Variants in LINGO2 observed in about 807,000 individuals in gnomAD.
LINGO2 encodes the protein leucine rich repeat and Ig domain containing 2.
A neutral mutation model predicts 30.6 loss-of-function variants in LINGO2; 14 were observed. The observed-to-expected ratio is 0.46, with a 90% CI of 0.30 to 0.72. The LOEUF is 0.72. Among genes scored for constraint, LINGO2 ranks in the 30% least tolerant of loss-of-function variants. The pLI is 0.07. For missense variants in LINGO2, 729 were observed against 751.7 expected (o/e 0.97, Z 0.35); for synonymous variants, 317 against 288.5 (o/e 1.10, Z -1.00).
chr9:28,640,409 A>G (rs546215451), intron 1 of LINGO2, among the ~76,000 whole-genome samples: 26 of 152,088 alleles, frequency 1.7e-4, no homozygotes, highest in African/African-American at 2.9e-4. Flanking sequence ...AATATCCTGC[A>G]GAGTGTTTTC....
intron 4 of LINGO2, among the ~76,000 whole-genome samples, chr9:28,071,449 A>G (rs750321676): frequency 1.3e-5 from 2 of 151,672 alleles, no homozygotes; most frequent in Non-Finnish European, 2.9e-5. Flanking sequence ...GTACTTATTT[A>G]CTCTAGCCTA....
At chr9:28,381,121 T>C (rs565947336) in intron 2 of LINGO2, among the ~76,000 whole-genome samples, 2 of 152,060 alleles carry the variant, frequency 1.3e-5, no homozygotes, top group Non-Finnish European at 2.9e-5. Context: ...ACTATTGCTA[T>C]ACAGAATGGG....
the LINGO2 span, among the ~76,000 whole-genome samples, chr9:28,942,224 A>T: frequency 6.6e-6 from 1 of 152,216 alleles, no homozygotes; most frequent in African/African-American, 2.4e-5. Context: ...ACTGTACAGG[A>T]AACCTCAAAA....
At chr9:29,189,426 G>A in the LINGO2 span, among the ~76,000 whole-genome samples, 1 of 151,386 alleles carries the variant, frequency 6.6e-6, no homozygotes, top group South Asian at 2.1e-4. Flanking sequence ...GGGGCGGCCG[G>A]GCAGAGACGC....
At chr9:27,983,619 C>A (rs1379731727) in intron 5 of LINGO2, among the ~76,000 whole-genome samples, 2 of 151,750 alleles carry the variant, frequency 1.3e-5, no homozygotes, top group East Asian at 1.9e-4. Context: ...GCCTTGATTT[C>A]CATATTAATA....
At chr9:28,214,391 C>T (rs184064494) in intron 4 of LINGO2, among the ~76,000 whole-genome samples, 69 of 151,672 alleles carry the variant, frequency 4.5e-4, no homozygotes, top group African/African-American at 1.3e-3. Context: ...CTTGTCTACA[C>T]TTGAAAATAC....
intron 1 of LINGO2, among the ~76,000 whole-genome samples, chr9:28,552,390 A>G (rs1014214557): frequency 6.6e-6 from 1 of 152,132 alleles, no homozygotes; most frequent in Admixed American, 6.6e-5. Context: ...ATACTTAGCC[A>G]TAGAACCCTA....
At chr9:29,079,045 C>T in the LINGO2 span, among the ~76,000 whole-genome samples, 1 of 151,836 alleles carries the variant, frequency 6.6e-6, no homozygotes, top group Non-Finnish European at 1.5e-5. Context: ...ATCGAGAGTA[C>T]AAATCCAGAT....
At chr9:28,479,021 A>G (rs912056519) in intron 1 of LINGO2, among the ~76,000 whole-genome samples, 3 of 152,018 alleles carry the variant, frequency 2.0e-5, no homozygotes, top group African/African-American at 7.2e-5. Flanking sequence ...GTGTTTATAT[A>G]CTTTTATGTA....
At chr9:28,071,441 A>C (rs904538643) in intron 4 of LINGO2, among the ~76,000 whole-genome samples, 5 of 152,042 alleles carry the variant, frequency 3.3e-5, no homozygotes, top group African/African-American at 1.2e-4. Context: ...TACTCTTTGT[A>C]CTTATTTACT....
At chr9:28,588,332 G>A in intron 1 of LINGO2, among the ~76,000 whole-genome samples, 1 of 151,970 alleles carries the variant, frequency 6.6e-6, no homozygotes, top group East Asian at 1.9e-4. Flanking sequence ...TTTGTCCTCA[G>A]CCAGGGTCAG....
At chr9:28,491,240 G>T (rs1826383847) in intron 1 of LINGO2, among the ~76,000 whole-genome samples, 1 of 152,186 alleles carries the variant, frequency 6.6e-6, no homozygotes, top group African/African-American at 2.4e-5. Context: ...GGAGGCTTCA[G>T]TGATAAATAT....
At chr9:28,848,146 C>G in the LINGO2 span, among the ~76,000 whole-genome samples, 2 of 103,920 alleles carry the variant, frequency 1.9e-5, no homozygotes, top group African/African-American at 7.4e-5. Context: ...CATATATATA[C>G]TATATATACG....
At chr9:29,016,702 T>C in the LINGO2 span, among the ~76,000 whole-genome samples, 1 of 152,164 alleles carries the variant, frequency 6.6e-6, no homozygotes, top group African/African-American at 2.4e-5. Flanking sequence ...GCCATCAATC[T>C]TATTTTTAAG....
At chr9:29,028,525 A>AT in the LINGO2 span, among the ~76,000 whole-genome samples, 1 of 151,760 alleles carries the variant, frequency 6.6e-6, no homozygotes, top group Non-Finnish European at 1.5e-5. Context: ...TTGAAATGTG[A>AT]TTTTCCTGCT....
At chr9:28,526,937 T>G (rs1821059950) in intron 1 of LINGO2, among the ~76,000 whole-genome samples, 1 of 152,230 alleles carries the variant, frequency 6.6e-6, no homozygotes, top group South Asian at 2.1e-4. Flanking sequence ...AATATATGTG[T>G]CCTTTATAAT....
At chr9:29,011,140 T>C in the LINGO2 span, among the ~76,000 whole-genome samples, 3 of 152,324 alleles carry the variant, frequency 2.0e-5, no homozygotes, top group Middle Eastern at 3.4e-3. Context: ...AACTAATCAC[T>C]GTTTTTCATA....
intron 4 of LINGO2, among the ~76,000 whole-genome samples, chr9:28,069,902 T>C: frequency 6.6e-6 from 1 of 152,212 alleles, no homozygotes. Context: ...GTGAAAGCTC[T>C]TCCAGCAATT....
chr9:27,981,786 C>T (rs1820890956), intron 5 of LINGO2, among the ~76,000 whole-genome samples: 1 of 151,496 alleles, frequency 6.6e-6, no homozygotes, highest in Admixed American at 6.6e-5. Flanking sequence ...TGAGATTGGT[C>T]CCTTGGTTTT....
Sources: gnomAD v4.1 joint callset for allele counts (sites outside exome capture counted in the v4.1 genomes callset) on GRCh38, gnomAD v4.1.1 for gene constraint, MANE v1.5 for transcripts, NCBI Gene and HGNC (gene_info 2026-07-23, HGNC 2026-07-21) for gene names.